MED4: variants seen among roughly 807,000 people sequenced by gnomAD.
MED4 encodes mediator of RNA polymerase II transcription subunit 4.
MED4 carries 21 observed loss-of-function variants against 35.0 expected under a neutral mutation model. That is an observed-to-expected ratio of 0.60 (90% CI 0.43 to 0.86). The LOEUF is 0.86. MED4 is among the 40% of genes least tolerant of loss of function. MED4 has a pLI of 0.00. For missense variants in MED4, 300 were observed against 319.4 expected (o/e 0.94, Z 0.46); for synonymous variants, 138 against 114.0 (o/e 1.21, Z -1.34).
intron 1 of MED4, among the ~76,000 whole-genome samples, chr13:48,091,826 G>T (rs1429435723): frequency 6.6e-6 from 1 of 152,204 alleles, no homozygotes; most frequent in Non-Finnish European, 1.5e-5. Flanking sequence ...GGGGGAGTGG[G>T]TTGGCTACTT....
At chr13:48,077,475 G>A (rs1024930568) in intron 6 of MED4, 164 bp from the exon 7 acceptor site, 11 of 525,170 alleles carry the variant, frequency 2.1e-5, no homozygotes, top group African/African-American at 2.0e-4. Context: ...TGAGTGCAGT[G>A]GCACGAATAC....
At chr13:48,080,255 G>T (rs1950795106) in intron 5 of MED4, among the ~76,000 whole-genome samples, 1 of 151,976 alleles carries the variant, frequency 6.6e-6, no homozygotes, top group Non-Finnish European at 1.5e-5. Flanking sequence ...AAATTAGTCA[G>T]GCGTGGTGGC....
intron 3 of MED4, 97 bp from the exon 4 acceptor site, chr13:48,083,525 A>G: frequency 1.2e-6 from 1 of 865,328 alleles, no homozygotes; most frequent in South Asian, 1.7e-5. Context: ...CTACAAGAAC[A>G]ATCTTTGAAA....
rs112119022 is a variant in MED4 at position 48,086,267 on chromosome 13, CCT to C, written c.363+13_363+14del. ...CATCCTTTTTAACCTTAAGAACCAA[CCT>C]CTGTCAACTTACCAGTATTTGTTCT... On this transcript the variant is annotated intron_variant, in intron 3 of 6. Transcript: ENST00000258648. 1.5e-3 allele frequency: 2,494 copies of C among 1,610,232 alleles called. 35 individuals carry two copies. In the African/African-American group the frequency reaches 0.025, roughly 16 times the overall value.
rs1950759338 is a variant in MED4 at position 48,076,453 on chromosome 13, G to A, written c.*686C>T. On this transcript the variant is annotated 3_prime_UTR_variant, in exon 7 of 7. Coordinates refer to ENST00000258648, the MANE Select transcript of MED4 (RefSeq NM_014166.4). ...TTTCTTCTAATAGGAATAGGCCTTT[G>A]AGAACCCTATTAATTGTAATAGGTT... is the stretch of plus-strand genomic sequence containing the variant. The A allele has an allele frequency of 6.6e-6, 1 of 151,908 alleles. No homozygotes were observed. Among genetic ancestry groups the A allele is most frequent in the Non-Finnish European group, 1.5e-5 (1 of 67,942 alleles). The allele number at this position is 151,908 out of a possible 1,614,324, so 9.4% of individuals were successfully genotyped here.
intron 4 of MED4, among the ~76,000 whole-genome samples, chr13:48,083,010 A>G (rs1404036219): frequency 6.6e-6 from 1 of 152,174 alleles, no homozygotes; most frequent in Non-Finnish European, 1.5e-5. Context: ...CAGTTGCCCA[A>G]TGGATGTCTT....
At chr13:48,087,468 C>T (rs1213596458) in intron 2 of MED4, among the ~76,000 whole-genome samples, 2 of 152,158 alleles carry the variant, frequency 1.3e-5, no homozygotes, top group East Asian at 3.8e-4. Context: ...TACACTTACA[C>T]ATTTGTGCTA....
intron 3 of MED4, among the ~76,000 whole-genome samples, chr13:48,084,982 T>C (rs2137834247): frequency 6.6e-6 from 1 of 152,124 alleles, no homozygotes; most frequent in South Asian, 2.1e-4. Flanking sequence ...TTCTCCTGCC[T>C]CAGCCTCCCA....
intron 1 of MED4, among the ~76,000 whole-genome samples, chr13:48,092,571 A>AG (rs1358628292): frequency 1.3e-5 from 2 of 152,220 alleles, no homozygotes; most frequent in Non-Finnish European, 2.9e-5. Flanking sequence ...GTAGTGTTCC[A>AG]GGCAAAAAAT....
Position 48,090,425 on chromosome 13 carries a change from A to G in MED4, c.126-7T>C. The G allele has an allele frequency of 3.8e-6, 6 of 1,589,420 alleles. No individual in the cohort carries two copies. The highest frequency in any genetic ancestry group is 5.1e-6 in the Non-Finnish European group (6 of 1,171,168). ...CAGCATTTCTATAAGTTCCCTAAAA[A>G]AAAAAAACCAACAACAACAAAAACC... On this transcript the variant is annotated splice_polypyrimidine_tract_variant and splice_region_variant and intron_variant, in intron 1 of 6. Coordinates refer to ENST00000258648, the MANE Select transcript of MED4 (RefSeq NM_014166.4).
chr13:48,077,069 A>G lies in MED4; in HGVS notation c.*70T>C. On this transcript the variant is annotated 3_prime_UTR_variant, in exon 7 of 7. Coordinates refer to ENST00000258648, the MANE Select transcript of MED4 (RefSeq NM_014166.4). ...GTATTTTTTGTCACCTGTAGTTTACATTTCCCTGCTACTGTTAAAGAAACA... is the reference window on the plus strand; with the variant it reads ...GTATTTTTTGTCACCTGTAGTTTACGTTTCCCTGCTACTGTTAAAGAAACA... The G allele has an allele frequency of 7.4e-7, 1 of 1,356,474 alleles. No homozygotes were observed. 84.0% of individuals were successfully genotyped at this position (1,356,474 alleles called of 1,614,324 possible).
chr13:48,080,489 TTTTAA>T (rs1362695340), intron 5 of MED4, among the ~76,000 whole-genome samples: 3 of 151,820 alleles, frequency 2.0e-5, no homozygotes, highest in South Asian at 4.1e-4. Context: ...AATACACGCA[TTTTAA>T]TTTCTTTTCT....
intron 6 of MED4, 142 bp downstream of exon 6, chr13:48,079,702 G>T: frequency 1.1e-6 from 1 of 933,226 alleles, no homozygotes; most frequent in Non-Finnish European, 1.6e-6. Flanking sequence ...CAGCCTGGGT[G>T]ACATAACAAG....
intron 6 of MED4, among the ~76,000 whole-genome samples, chr13:48,077,935 T>A (rs952982588): frequency 6.6e-6 from 1 of 152,320 alleles, no homozygotes; most frequent in Non-Finnish European, 1.5e-5. Flanking sequence ...TACATACTTA[T>A]GTATACTAGG....
rs752261563 is a variant in MED4 at position 48,081,626 on chromosome 13, A to C, written c.508+19T>G. 7.0e-6 allele frequency: 11 copies of C among 1,577,376 alleles called. No individual in the cohort carries two copies. Among genetic ancestry groups the C allele is most frequent in the Non-Finnish European group, 9.6e-6 (11 of 1,151,506 alleles). ...TTCAAAACCACATATATCTAGTATA[A>C]TAAGACGAGTATGTTTACCTGGAAC... On this transcript the variant is annotated intron_variant, in intron 5 of 6. Coordinates refer to ENST00000258648, the MANE Select transcript of MED4 (RefSeq NM_014166.4).
intron 1 of MED4, chr13:48,093,726 A>C (rs1209805672): frequency 3.9e-6 from 1 of 256,362 alleles, no homozygotes; most frequent in Non-Finnish European, 8.3e-6. Context: ...CAAACACATA[A>C]GCCATTTAAT....
chr13:48,080,603 A>G (rs796921718), intron 5 of MED4, among the ~76,000 whole-genome samples: 2 of 152,202 alleles, frequency 1.3e-5, no homozygotes, highest in African/African-American at 4.8e-5. Context: ...AATTATAATA[A>G]TCTCAATTAT....
chr13:48,080,027 TTAATA>T (rs1332682649), intron 5 of MED4, 52 bp from the exon 6 acceptor site: 1 of 1,578,406 alleles, frequency 6.3e-7, no homozygotes, highest in Non-Finnish European at 8.6e-7. Context: ...AAAATAAGTG[TTAATA>T]TGTTATTTGA....
At chr13:48,088,766 G>T (rs1766493910) in intron 2 of MED4, among the ~76,000 whole-genome samples, 1 of 152,174 alleles carries the variant, frequency 6.6e-6, no homozygotes, top group South Asian at 2.1e-4. Context: ...CTCACAGGAG[G>T]TTGAACTGAA....
Sources: allele counts gnomAD v4.1 joint callset (sites outside exome capture counted in the v4.1 genomes callset), GRCh38; gene constraint gnomAD v4.1.1; transcripts MANE v1.5; gene names NCBI Gene and HGNC (gene_info 2026-07-23, HGNC 2026-07-21).